The following SPP1 variants were observed in gnomAD, a reference collection of about 807,000 sequenced individuals.
SPP1 encodes osteopontin.
In SPP1, 18 loss-of-function variants were observed where a neutral mutation model predicts 20.8. The ratio of observed to expected loss-of-function variants is 0.87; its 90% CI spans 0.60 to 1.29. The LOEUF is 1.29. Ranked by LOEUF, SPP1 falls within the 50% of genes most tolerant of loss-of-function variation. The pLI is 0.00. For missense variants in SPP1, 363 were observed against 389.0 expected, an observed-to-expected ratio of 0.93 and a Z score of 0.56; for synonymous variants, 146 against 141.5, an observed-to-expected ratio of 1.03 and a Z score of -0.23.
At position 87,980,632 on chromosome 4, in the gene SPP1, A is replaced by G. The variant is rs1725602701; in HGVS notation, c.216+198A>G. 8.4e-6 allele frequency: 5 copies of G among 591,982 alleles called. No homozygotes were observed. The East Asian group carries it at 1.5e-4, about 17-fold the overall frequency. 36.7% of individuals were successfully genotyped at this position (591,982 alleles called of 1,614,324 possible). A position where few individuals can be genotyped will look rare whatever the true frequency, so the allele number is the denominator to read the frequency against. On this transcript the variant is annotated intron_variant, in intron 5 of 6. Coordinates refer to ENST00000395080, the MANE Select transcript of SPP1 (RefSeq NM_001040058.2). ...CCTCGGATAAGTTTAGCATTACAGA[A>G]GATGTTTATTAATGCCTGTTATTTG...
rs778168680 is a variant in SPP1, at chr4:87,981,582, T to C, written c.324T>C (p.Ser108=). 2.5e-6 allele frequency: 4 copies of C among 1,614,190 alleles called. No individual in the cohort carries two copies. The highest frequency in any genetic ancestry group is 1.7e-6 in the Non-Finnish European group (2 of 1,180,028). ...AGGACTCCATTGACTCGAACGACTC[T>C]GATGATGTAGATGACACTGATGATT... ...DSQDSIDSND[S]DDVDDTDDSH... The change falls in exon 6 of 7, where the codon TCT becomes TCC. Residue 108 remains serine, a synonymous_variant. Coordinates refer to ENST00000395080, the MANE Select transcript of SPP1 (RefSeq NM_001040058.2).
At chr4:87,979,806 G>C (rs1328505313) in intron 3 of SPP1, among the ~76,000 whole-genome samples, 1 of 151,976 alleles carries the variant, frequency 6.6e-6, no homozygotes, top group East Asian at 1.9e-4. Flanking sequence ...TATCTCATAG[G>C]GGAATGAAAG....
At chr4:87,978,768 C>T (rs6840362) in intron 3 of SPP1, among the ~76,000 whole-genome samples, 43,652 of 151,976 alleles carry the variant, frequency 0.29, 6,574 homozygotes, top group South Asian at 0.38. Context: ...TGGTTAGAGC[C>T]AGCCATGAGA....
At position 87,982,650 on chromosome 4, in the gene SPP1, G is replaced by C. The variant is rs759941641; in HGVS notation, c.699G>C (p.Gln233His). 6.2e-7 allele frequency: 1 copy of C among 1,614,114 alleles called. No homozygotes were observed. Among genetic ancestry groups the C allele is most frequent in the Non-Finnish European group, 8.5e-7 (1 of 1,180,030 alleles). The change falls in exon 7 of 7, where the codon CAG becomes CAC. Residue 233 changes from glutamine (Q) to histidine (H), a missense_variant. Gln to His is a conservative substitution (Grantham distance 24). Coordinates refer to ENST00000395080, the MANE Select transcript of SPP1 (RefSeq NM_001040058.2). ...ATGAAACGAGTCAGCTGGATGACCA[G>C]AGTGCTGAAACCCACAGCCACAAGC... ...DSYETSQLDD[Q>H]SAETHSHKQS...
rs1725742853 is a variant in SPP1, at chr4:87,983,386, TAAAAC to T, written c.*492_*496del. The T allele has an allele frequency of 6.4e-6, 1 of 155,286 alleles. No individual in the cohort carries two copies. Among genetic ancestry groups the T allele is most frequent in the Non-Finnish European group, 1.4e-5 (1 of 69,938 alleles). 9.6% of individuals were successfully genotyped at this position (155,286 alleles called of 1,614,324 possible). A position where few individuals can be genotyped will look rare whatever the true frequency, so the allele number is the denominator to read the frequency against. On this transcript the variant is annotated 3_prime_UTR_variant, in exon 7 of 7. Coordinates refer to ENST00000395080, the MANE Select transcript of SPP1 (RefSeq NM_001040058.2). ...TTTCCCACGGTTGTCCAGCAATTAA[TAAAAC>T]ATAACCTTTTTTACTGCCTATATAA...
intron 3 of SPP1, among the ~76,000 whole-genome samples, chr4:87,978,901 C>T (rs1560581831): frequency 6.6e-6 from 1 of 152,050 alleles, no homozygotes; most frequent in Non-Finnish European, 1.5e-5. Context: ...TAATGATTGG[C>T]CCTGGATGAT....
intron 1 of SPP1, 76 bp from the exon 2 acceptor site, chr4:87,976,806 T>C (rs1578100168): frequency 3.3e-6 from 3 of 909,682 alleles, no homozygotes; most frequent in Non-Finnish European, 5.2e-6. Flanking sequence ...GATCATTTTG[T>C]AATGTGGTAG....
intron 5 of SPP1, 50 bp from the exon 6 acceptor site, chr4:87,981,425 G>A: frequency 6.5e-7 from 1 of 1,530,484 alleles, no homozygotes; most frequent in Non-Finnish European, 8.9e-7. Context: ...TAAAGGCTAA[G>A]GGAAAATAAA....
Position 87,982,866 on chromosome 4 carries a change from AT to A in SPP1, c.917del (p.Leu306Ter). The A allele has an allele frequency of 6.2e-7, 1 of 1,613,816 alleles. No individual in the cohort carries two copies. The highest frequency in any genetic ancestry group is 2.2e-5 in the East Asian group (1 of 44,884). On this transcript the variant is annotated frameshift_variant, in exon 7 of 7. Transcript: ENST00000395080. LOFTEE classifies it high-confidence loss of function. ...ACCTGAAATTTCGTATTTCTCATGA[AT>A]TAGATAGTGCATCTTCTGAGGTCAA... ...KHLKFRISHE[L>X]DSASSEVN
In SPP1 at chr4:87,982,849, T is replaced by C; in HGVS notation, c.898T>C (p.Phe300Leu). The C allele has an allele frequency of 6.2e-7, 1 of 1,614,054 alleles. No homozygotes were observed. Among genetic ancestry groups the C allele is most frequent in the African/African-American group, 1.3e-5 (1 of 75,016 alleles). Residue 300 changes from phenylalanine to leucine, a missense_variant, in exon 7 of 7, where the codon TTT becomes CTT. Coordinates refer to ENST00000395080, the MANE Select transcript of SPP1 (RefSeq NM_001040058.2). ...KSKEEDKHLK[F>L]RISHELDSAS... is the part of the protein sequence containing the mutation. ...TAAGGAAGAAGATAAACACCTGAAA[T>C]TTCGTATTTCTCATGAATTAGATAG... is the stretch of plus-strand genomic sequence containing the variant.
Position 87,980,373 on chromosome 4 carries a change from A to G in SPP1, c.175-20A>G. On this transcript the variant is annotated intron_variant, in intron 4 of 6. Coordinates refer to ENST00000395080, the MANE Select transcript of SPP1 (RefSeq NM_001040058.2). ...CTAGGCATGTGTGATGCGCACTAAC[A>G]CGTGCCATTCCTTCTTCAGAATGCT... 1 of 1,613,904 alleles carries G rather than the reference A, an allele frequency of 6.2e-7. No individual in the cohort carries two copies. Among genetic ancestry groups the G allele is most frequent in the Non-Finnish European group, 8.5e-7 (1 of 1,179,906 alleles).
At chr4:87,982,064 G>A (rs1012166043) in intron 6 of SPP1, among the ~76,000 whole-genome samples, 1 of 151,830 alleles carries the variant, frequency 6.6e-6, no homozygotes, top group Non-Finnish European at 1.5e-5. Context: ...TAAAATAAAT[G>A]GAAAACACCA....
chr4:87,977,050 G>T lies in SPP1; in HGVS notation c.55-9G>T. 6.2e-7 allele frequency: 1 copy of T among 1,613,950 alleles called. No homozygotes were observed. Among genetic ancestry groups the T allele is most frequent in the Non-Finnish European group, 8.5e-7 (1 of 1,179,948 alleles). ...CTTGTAATCTTTCTTCATCTTTTCT[G>T]TTTCTAAGGTTAAACAGGCTGATTC... is the stretch of plus-strand genomic sequence containing the variant. On this transcript the variant is annotated splice_polypyrimidine_tract_variant and intron_variant, in intron 2 of 6. Transcript: ENST00000395080.
chr4:87,980,380 A>T lies in SPP1; in HGVS notation c.175-13A>T, dbSNP rs756265584. ...TGTGTGATGCGCACTAACACGTGCCATTCCTTCTTCAGAATGCTGTGTCCT... is the reference window on the plus strand; with the variant it reads ...TGTGTGATGCGCACTAACACGTGCCTTTCCTTCTTCAGAATGCTGTGTCCT... On this transcript the variant is annotated splice_polypyrimidine_tract_variant and intron_variant, in intron 4 of 6. Coordinates refer to ENST00000395080, the MANE Select transcript of SPP1 (RefSeq NM_001040058.2). The T allele has an allele frequency of 6.2e-7, 1 of 1,614,046 alleles. No homozygotes were observed.
At position 87,982,944 on chromosome 4, in the gene SPP1, A is replaced by G; in HGVS notation, c.*48A>G. 6.6e-7 allele frequency: 1 copy of G among 1,511,020 alleles called. No individual in the cohort carries two copies. Among genetic ancestry groups the G allele is most frequent in the Non-Finnish European group, 8.9e-7 (1 of 1,126,808 alleles). 93.6% of individuals were successfully genotyped at this position (1,511,020 alleles called of 1,614,324 possible). A position where few individuals can be genotyped will look rare whatever the true frequency, so the allele number is the denominator to read the frequency against. ...CACTTTGCATTTAGTCAAAAGAAAA[A>G]ATGCTTTATAGCAAAATGAAAGAGA... On this transcript the variant is annotated 3_prime_UTR_variant, in exon 7 of 7. Coordinates refer to ENST00000395080, the MANE Select transcript of SPP1 (RefSeq NM_001040058.2).
Position 87,982,627 on chromosome 4 carries a change from G to C in SPP1, c.676G>C (p.Glu226Gln). The C allele has an allele frequency of 6.2e-7, 1 of 1,614,074 alleles. No homozygotes were observed. The highest frequency in any genetic ancestry group is 1.1e-5 in the South Asian group (1 of 91,070). Residue 226 changes from glutamate (E) to glutamine (Q), a missense_variant, in exon 7 of 7, where the codon GAA becomes CAA. Transcript: ENST00000395080. Reference sequence around the variant, plus strand: ...GGACAGCCGTGGGAAGGACAGTTATGAAACGAGTCAGCTGGATGACCAGAG... The same window carrying C: ...GGACAGCCGTGGGAAGGACAGTTATCAAACGAGTCAGCTGGATGACCAGAG... ...DWDSRGKDSY[E>Q]TSQLDDQSAE...
intron 5 of SPP1, among the ~76,000 whole-genome samples, chr4:87,981,041 A>G (rs1258658522): frequency 6.6e-6 from 1 of 152,202 alleles, no homozygotes; most frequent in African/African-American, 2.4e-5. Flanking sequence ...GAAAGTGGTT[A>G]TAGATTTTAG....
Position 87,983,093 on chromosome 4 carries a change from C to A in SPP1, c.*197C>A. The A allele has an allele frequency of 1.8e-6, 1 of 570,070 alleles. No homozygotes were observed. Among genetic ancestry groups the A allele is most frequent in the South Asian group, 2.3e-5 (1 of 42,616 alleles). The allele number at this position is 570,070 out of a possible 1,614,324, so 35.3% of individuals were successfully genotyped here. A position where few individuals can be genotyped will look rare whatever the true frequency, so the allele number is the denominator to read the frequency against. ...ATGGAAACTCCCTGTAAACTAAAAG[C>A]TTCAGGGTTATGTCTATGTTCATTC... On this transcript the variant is annotated 3_prime_UTR_variant, in exon 7 of 7. Coordinates refer to ENST00000395080, the MANE Select transcript of SPP1 (RefSeq NM_001040058.2).
chr4:87,978,932 T>C (rs1245849961), intron 3 of SPP1, among the ~76,000 whole-genome samples: 1 of 152,172 alleles, frequency 6.6e-6, no homozygotes, highest in Non-Finnish European at 1.5e-5. Context: ...AGATGATACT[T>C]ACTCAGAGCA....
Sources: allele counts gnomAD v4.1 joint callset (sites outside exome capture counted in the v4.1 genomes callset), GRCh38; gene constraint gnomAD v4.1.1; transcripts MANE v1.5; gene names NCBI Gene and HGNC (gene_info 2026-07-23, HGNC 2026-07-21).